The following CFDP1 variants were observed in gnomAD, a reference collection of about 807,000 sequenced individuals.
CFDP1 encodes chromatin remodeling protein CFDP1.
In CFDP1, 31 loss-of-function variants were observed where a neutral mutation model predicts 40.1. The ratio of observed to expected loss-of-function variants is 0.77; its 90% confidence interval spans 0.58 to 1.04. The LOEUF (loss-of-function observed/expected upper bound fraction) is 1.04. Ranked by LOEUF, CFDP1 falls within the 50% of genes least tolerant of loss-of-function variation. CFDP1 has a pLI of 0.00. For missense variants in CFDP1, 423 were observed against 343.4 expected (o/e 1.23, Z -1.83); for synonymous variants, 167 against 120.0 (o/e 1.39, Z -2.56).
At chr16:75,369,443 C>T (rs9923034) in intron 5 of CFDP1, among the ~76,000 whole-genome samples, 25,197 of 151,982 alleles carry the variant, frequency 0.17, 2,239 homozygotes, top group Middle Eastern at 0.23. Flanking sequence ...CCGCACACTG[C>T]TATACAGAAT....
chr16:75,345,580 G>C (rs973582886), intron 5 of CFDP1, among the ~76,000 whole-genome samples: 1 of 152,156 alleles, frequency 6.6e-6, no homozygotes, highest in Non-Finnish European at 1.5e-5. Context: ...AGGAGTTCAA[G>C]GATGCAGTGA....
chr16:75,431,741 G>A (rs2079420862), intron 1 of CFDP1, among the ~76,000 whole-genome samples: 6 of 152,192 alleles, frequency 3.9e-5, no homozygotes, highest in Non-Finnish European at 8.8e-5. Flanking sequence ...GTGTTTGTGT[G>A]TGTGTTTGGG....
At chr16:75,356,193 T>C (rs2078643138) in intron 5 of CFDP1, among the ~76,000 whole-genome samples, 1 of 152,252 alleles carries the variant, frequency 6.6e-6, no homozygotes, top group African/African-American at 2.4e-5. Context: ...ACGGCAGCTA[T>C]AGCCTTATTA....
chr16:75,328,306 C>T (rs2078418449), intron 5 of CFDP1, among the ~76,000 whole-genome samples: 3 of 149,106 alleles, frequency 2.0e-5, no homozygotes, highest in South Asian at 2.2e-4. Flanking sequence ...GAGCGATGGC[C>T]GGGCATGGTG....
rs1219186809 is a variant in CFDP1 at position 75,395,183 on chromosome 16, G to T, written c.557C>A (p.Ser186Tyr). The T allele has an allele frequency of 6.2e-7, 1 of 1,613,434 alleles. No individual in the cohort carries two copies. The highest frequency in any genetic ancestry group is 1.7e-5 in the Admixed American group (1 of 59,982). ...VRVTKEVDAT[S>Y]KEAKSFFKQN... ...CTTGAAGAAGGATTTGGCCTCTTTA[G>T]ATGTAGCATCCACTTCCTTAGTTAC... The change falls in exon 5 of 7, where the codon TCT becomes TAT. Residue 186 changes from serine (S) to tyrosine (Y), a missense_variant. By Grantham distance (144) the Ser-to-Tyr change is moderately radical (BLOSUM62 -2). Transcript: ENST00000283882.
At chr16:75,342,398 T>C (rs1347499502) in intron 5 of CFDP1, among the ~76,000 whole-genome samples, 1 of 152,242 alleles carries the variant, frequency 6.6e-6, no homozygotes, top group Non-Finnish European at 1.5e-5. Flanking sequence ...TCCAAAACTC[T>C]GCCATGTCTC....
At chr16:75,403,634 C>T (rs564097073) in intron 4 of CFDP1, among the ~76,000 whole-genome samples, 5 of 152,064 alleles carry the variant, frequency 3.3e-5, no homozygotes, top group South Asian at 4.1e-4. Flanking sequence ...GAAAATAATT[C>T]AAGCCAAAAA....
chr16:75,376,079 T>C (rs1161722689), intron 5 of CFDP1, among the ~76,000 whole-genome samples: 2 of 151,880 alleles, frequency 1.3e-5, no homozygotes, highest in Non-Finnish European at 2.9e-5. Context: ...GACATAGTGG[T>C]GTGCACCTGT....
At chr16:75,294,181 C>T in intron 6 of CFDP1, 139 bp from the exon 7 acceptor site, 1 of 614,912 alleles carries the variant, frequency 1.6e-6, no homozygotes. Flanking sequence ...CAGTACAATC[C>T]AAACCACTCA....
At chr16:75,430,402 C>G (rs368026790) in intron 1 of CFDP1, among the ~76,000 whole-genome samples, 98 of 152,136 alleles carry the variant, frequency 6.4e-4, no homozygotes, top group Middle Eastern at 3.4e-3. Context: ...AACTCCTGAC[C>G]TCAGGCAATC....
At chr16:75,324,490 C>G (rs1057270467) in intron 5 of CFDP1, among the ~76,000 whole-genome samples, 54 of 152,044 alleles carry the variant, frequency 3.6e-4, no homozygotes, top group African/African-American at 1.1e-3. Flanking sequence ...GCCTGTAATC[C>G]CGGAACTTTA....
chr16:75,374,084 C>G (rs1457745164), intron 5 of CFDP1, among the ~76,000 whole-genome samples: 1 of 151,960 alleles, frequency 6.6e-6, no homozygotes, highest in Non-Finnish European at 1.5e-5. Flanking sequence ...GAAATCCCAT[C>G]TCTACTAAAA....
intron 4 of CFDP1, among the ~76,000 whole-genome samples, chr16:75,395,904 G>T (rs952440800): frequency 2.0e-5 from 3 of 148,374 alleles, no homozygotes; most frequent in African/African-American, 7.4e-5. Context: ...AGGTGTTTAT[G>T]GTACCTGAGA....
At chr16:75,317,644 T>C (rs2078332467) in intron 5 of CFDP1, among the ~76,000 whole-genome samples, 1 of 152,162 alleles carries the variant, frequency 6.6e-6, no homozygotes, top group African/African-American at 2.4e-5. Flanking sequence ...TTTAAAGGAA[T>C]TATTAAATAC....
At chr16:75,321,699 T>C (rs1242783999) in intron 5 of CFDP1, among the ~76,000 whole-genome samples, 1 of 152,202 alleles carries the variant, frequency 6.6e-6, no homozygotes, top group East Asian at 1.9e-4. Context: ...ATTCTCTCCC[T>C]TGGACACCCC....
chr16:75,366,151 G>A (rs1229753095), intron 5 of CFDP1, among the ~76,000 whole-genome samples: 1 of 152,176 alleles, frequency 6.6e-6, no homozygotes, highest in Non-Finnish European at 1.5e-5. Context: ...ACTGATGAAT[G>A]GGATAAGTAT....
chr16:75,428,309 TA>T (rs1330158980), intron 1 of CFDP1, among the ~76,000 whole-genome samples: 4 of 152,078 alleles, frequency 2.6e-5, no homozygotes, highest in African/African-American at 9.7e-5. Context: ...AAGAAGAACA[TA>T]ATGCTATAAA....
chr16:75,381,890 A>G (rs1445898947), intron 5 of CFDP1, among the ~76,000 whole-genome samples: 1 of 152,190 alleles, frequency 6.6e-6, no homozygotes, highest in Non-Finnish European at 1.5e-5. Flanking sequence ...TTAGATGCAT[A>G]AAGACAAGAG....
At chr16:75,294,974 G>A (rs141221886) in intron 6 of CFDP1, among the ~76,000 whole-genome samples, 27 of 152,326 alleles carry the variant, frequency 1.8e-4, no homozygotes, top group Non-Finnish European at 3.1e-4. Flanking sequence ...AGCGTGCTGC[G>A]ATTTGCCTGG....
Sources: gnomAD v4.1 joint callset for allele counts (sites outside exome capture counted in the v4.1 genomes callset) on GRCh38, gnomAD v4.1.1 for gene constraint, MANE v1.5 for transcripts, NCBI Gene and HGNC (gene_info 2026-07-23, HGNC 2026-07-21) for gene names.